The following PKP1 variants were observed in gnomAD, a reference collection of about 807,000 sequenced individuals.
The protein encoded by PKP1 is plakophilin 1, also known as plakophilin-1.
A neutral mutation model predicts 76.4 loss-of-function variants in PKP1; 27 were observed. The ratio of observed to expected loss-of-function variants is 0.35; its 90% CI spans 0.26 to 0.49. PKP1 has a LOEUF of 0.49. Among genes scored for constraint, PKP1 ranks in the 20% least tolerant of loss-of-function variants. The pLI is 0.99. For synonymous variants in PKP1, 404 were observed against 384.2 expected (o/e 1.05, Z -0.60); for missense variants, 964 against 955.2 (o/e 1.01, Z -0.12).
At chr1:201,308,013 G>T (rs1656420265) in intron 2 of PKP1, among the ~76,000 whole-genome samples, 1 of 152,166 alleles carries the variant, frequency 6.6e-6, no homozygotes, top group East Asian at 1.9e-4. Flanking sequence ...TTTCAAAATG[G>T]GCTAATAGCT....
intron 3 of PKP1, 106 bp downstream of exon 3, chr1:201,313,666 T>G: frequency 8.2e-7 from 1 of 1,222,536 alleles, no homozygotes; most frequent in Non-Finnish European, 1.1e-6. Context: ...AGGAGAGACA[T>G]AGCTTCTGTC....
chr1:201,324,701 C>T, intron 10 of PKP1, 120 bp downstream of exon 10: 1 of 1,332,732 alleles, frequency 7.5e-7, no homozygotes. Context: ...AGAAAGGAAG[C>T]TGGCCAAAGA....
At chr1:201,297,518 G>A (rs1005589507) in intron 2 of PKP1, among the ~76,000 whole-genome samples, 1 of 152,164 alleles carries the variant, frequency 6.6e-6, no homozygotes, top group African/African-American at 2.4e-5. Context: ...TTACAGTTGA[G>A]GAAACGCAGG....
Position 201,320,356 on chromosome 1 carries a change from T to A in PKP1, c.1322T>A (p.Val441Glu). 1 of 1,613,232 alleles carries A rather than the reference T, an allele frequency of 6.2e-7. No individual in the cohort carries two copies. Among genetic ancestry groups the A allele is most frequent in the Non-Finnish European group, 8.5e-7 (1 of 1,179,224 alleles). ...DSLMAYVQNC[V>E]AASRCDDKSV... ...CTCATGGCCTATGTCCAGAACTGTG[T>A]AGCGGCCAGCCGCTGTGACGACAAG... Residue 441 changes from valine (V) to glutamate (E), a missense_variant, in exon 7 of 14, where the codon GTA (valine) becomes GAA (glutamate). Coordinates refer to ENST00000367324, the MANE Select transcript of PKP1 (RefSeq NM_001005337.3).
At chr1:201,322,715 T>C (rs1656984795) in intron 8 of PKP1, among the ~76,000 whole-genome samples, 1 of 152,048 alleles carries the variant, frequency 6.6e-6, no homozygotes, top group South Asian at 2.1e-4. Context: ...ATCTGGAAGG[T>C]TTGGGCCAAG....
chr1:201,293,951 A>G lies in PKP1; in HGVS notation c.212A>G (p.Tyr71Cys), dbSNP rs751318467. The change falls in exon 2 of 14, where the codon TAT becomes TGT. Residue 71 changes from tyrosine (Y) to cysteine (C), a missense_variant. Tyr to Cys is a radical substitution (Grantham distance 194, BLOSUM62 -2). Transcript: ENST00000367324. ...TLSHSNRGSMYDGLADNYNYG... is the reference protein window; with the variant it reads ...TLSHSNRGSMCDGLADNYNYG... ...CTCCTTTCTCCTCTAGGTTCCATGTATGATGGCTTGGCTGACAATTACAAC... is the reference window on the plus strand; with the variant it reads ...CTCCTTTCTCCTCTAGGTTCCATGTGTGATGGCTTGGCTGACAATTACAAC... The G allele has an allele frequency of 3.7e-6, 6 of 1,611,994 alleles. No homozygotes were observed. Among genetic ancestry groups the G allele is most frequent in the South Asian group, 1.1e-5 (1 of 90,776 alleles).
chr1:201,312,173 C>A (rs1018890239), intron 2 of PKP1, among the ~76,000 whole-genome samples: 2 of 152,206 alleles, frequency 1.3e-5, no homozygotes, highest in African/African-American at 2.4e-5. Context: ...GTAAAAGGGC[C>A]CAGGGAGCAG....
At chr1:201,301,855 A>G (rs1480829934) in intron 2 of PKP1, among the ~76,000 whole-genome samples, 1 of 152,180 alleles carries the variant, frequency 6.6e-6, no homozygotes, top group Admixed American at 6.5e-5. Flanking sequence ...ATATAATTAA[A>G]AGCTAAATTT....
intron 5 of PKP1, 32 bp downstream of exon 5, chr1:201,317,811 G>A (rs1656808687): frequency 2.5e-6 from 4 of 1,599,552 alleles, no homozygotes; most frequent in Non-Finnish European, 8.5e-7. Flanking sequence ...GAGCCAGCCT[G>A]AGGGCTGTGC....
chr1:201,304,147 A>C (rs1318331396), intron 2 of PKP1, among the ~76,000 whole-genome samples: 1 of 152,174 alleles, frequency 6.6e-6, no homozygotes, highest in African/African-American at 2.4e-5. Flanking sequence ...ATCAGCTCTC[A>C]GGAGGCCCCA....
intron 4 of PKP1, among the ~76,000 whole-genome samples, chr1:201,316,913 A>G (rs1023692670): frequency 6.6e-6 from 1 of 152,194 alleles, no homozygotes; most frequent in Non-Finnish European, 1.5e-5. Context: ...GGCAGGTACA[A>G]TTCCTCCATT....
At chr1:201,286,024 T>C (rs1655723437) in intron 1 of PKP1, among the ~76,000 whole-genome samples, 1 of 152,254 alleles carries the variant, frequency 6.6e-6, no homozygotes, top group Non-Finnish European at 1.5e-5. Flanking sequence ...CACTTGGAGC[T>C]GGTGTTTCTG....
chr1:201,289,688 GCACACACACACACACACACA>G (rs3057891), intron 1 of PKP1, among the ~76,000 whole-genome samples: 1 of 144,948 alleles, frequency 6.9e-6, no homozygotes, highest in African/African-American at 2.5e-5. Flanking sequence ...TGGGAGGAGT[GCACACACACACACACACACA>G]CACACACACA....
rs1380993949 is a variant in PKP1, at chr1:201,291,559, C to G, written c.203-2383C>G. On this transcript the variant is annotated intron_variant, in intron 1 of 13. Coordinates refer to ENST00000367324, the MANE Select transcript of PKP1 (RefSeq NM_001005337.3). ...GAGCAGCATCATGCTGACAGGTTCTCTCCCAGAAGACGGGCAAGAAGGCCC... is the reference window on the plus strand; with the variant it reads ...GAGCAGCATCATGCTGACAGGTTCTGTCCCAGAAGACGGGCAAGAAGGCCC... 4.6e-5 allele frequency among the ~76,000 whole-genome samples: 7 copies of G among 152,296 alleles called. No individual in the cohort carries two copies. The East Asian group carries it at 1.3e-3, about 29-fold the overall frequency.
intron 1 of PKP1, among the ~76,000 whole-genome samples, chr1:201,291,308 A>C (rs1348242890): frequency 6.6e-6 from 1 of 152,202 alleles, no homozygotes; most frequent in East Asian, 1.9e-4. Context: ...GCAGGCCACA[A>C]GTGAGTGACA....
chr1:201,296,532 G>T (rs1656079033), intron 2 of PKP1, among the ~76,000 whole-genome samples: 1 of 152,212 alleles, frequency 6.6e-6, no homozygotes, highest in Non-Finnish European at 1.5e-5. Flanking sequence ...AGGATCATTT[G>T]CTGCAGATAC....
At position 201,318,753 on chromosome 1, in the gene PKP1, T is replaced by C; in HGVS notation, c.1190T>C (p.Val397Ala). The change falls in exon 6 of 14, where the codon GTG (valine) becomes GCG (alanine). Residue 397 changes from valine to alanine, a missense_variant. Val to Ala is a moderately conservative substitution (Grantham distance 64). Coordinates refer to ENST00000367324, the MANE Select transcript of PKP1 (RefSeq NM_001005337.3). Reference protein sequence around the residue: ...CDGNSNMSREVVDPEVFFNAT... With the variant: ...CDGNSNMSREAVDPEVFFNAT... Reference sequence around the variant, plus strand: ...GGCAATAGCAACATGTCCCGGGAAGTGGTGGACCCTGAGGTCTTCTTCAAT... The same window carrying C: ...GGCAATAGCAACATGTCCCGGGAAGCGGTGGACCCTGAGGTCTTCTTCAAT... The C allele has an allele frequency of 2.5e-6, 4 of 1,610,784 alleles. No individual in the cohort carries two copies. The highest frequency in any genetic ancestry group is 3.4e-6 in the Non-Finnish European group (4 of 1,179,274).
intron 2 of PKP1, among the ~76,000 whole-genome samples, chr1:201,297,660 A>T (rs145074442): frequency 7.4e-4 from 113 of 152,292 alleles, no homozygotes; most frequent in African/African-American, 2.7e-3. Flanking sequence ...ACTTCTTATG[A>T]CTGCCATTCT....
chr1:201,331,483 C>G lies in PKP1; in HGVS notation c.*1442C>G, dbSNP rs751325066. ...TACACTAAGACAGAGCAGAGCCCAG[C>G]GCTCCCAAGCCTTCCTCCTTCCAGC... On this transcript the variant is annotated 3_prime_UTR_variant, in exon 14 of 14. Coordinates refer to ENST00000367324, the MANE Select transcript of PKP1 (RefSeq NM_001005337.3). 6.6e-6 allele frequency: 1 copy of G among 152,382 alleles called. No individual in the cohort carries two copies. Among genetic ancestry groups the G allele is most frequent in the African/African-American group, 2.4e-5 (1 of 41,448 alleles). The allele number at this position is 152,382 out of a possible 1,614,324, so 9.4% of individuals were successfully genotyped here. A position where few individuals can be genotyped will look rare whatever the true frequency, so the allele number is the denominator to read the frequency against.
Sources: gnomAD v4.1 joint callset for allele counts (sites outside exome capture counted in the v4.1 genomes callset) on GRCh38, gnomAD v4.1.1 for gene constraint, MANE v1.5 for transcripts, NCBI Gene and HGNC (gene_info 2026-07-23, HGNC 2026-07-21) for gene names.